Variants in PPP2R3C observed in about 807,000 individuals in gnomAD.
PPP2R3C encodes the protein protein phosphatase 2 regulatory subunit B''gamma, also known as serine/threonine-protein phosphatase 2A regulatory subunit B'' subunit gamma.
Under a neutral mutation model 63.7 loss-of-function variants are expected in PPP2R3C, and 47 were observed. That is an observed-to-expected ratio of 0.74 (90% CI 0.58 to 0.94). The LOEUF is 0.94. PPP2R3C is among the 40% of genes least tolerant of loss of function. The pLI is 0.00. For synonymous variants in PPP2R3C, 180 were observed against 177.4 expected, an observed-to-expected ratio of 1.01 and a Z score of -0.12; for missense variants, 421 against 518.4, an observed-to-expected ratio of 0.81 and a Z score of 1.82.
In PPP2R3C at chr14:35,096,612, T is replaced by A; in HGVS notation, c.784A>T (p.Lys262Ter). 6.2e-7 allele frequency: 1 copy of A among 1,613,880 alleles called. No individual in the cohort carries two copies. The highest frequency in any genetic ancestry group is 8.5e-7 in the Non-Finnish European group (1 of 1,179,882). ...AACCAATTTGTTTCTTGACTCTCCT[T>A]GGACAGTTCCTCATCCCTTAGCTAA... is the stretch of plus-strand genomic sequence containing the variant. ...LLELRDEELS[K>*]ESQETNWFSA... The change falls in exon 9 of 13, where the codon AAG becomes TAG. Residue 262 changes from lysine (K) to a stop codon, truncating the protein, a stop_gained. Coordinates refer to ENST00000261475, the MANE Select transcript of PPP2R3C (RefSeq NM_017917.4). LOFTEE classifies it high-confidence loss of function.
At chr14:35,119,938 G>A (rs529062121) in intron 1 of PPP2R3C, among the ~76,000 whole-genome samples, 4 of 138,442 alleles carry the variant, frequency 2.9e-5, no homozygotes, top group African/African-American at 8.2e-5. Context: ...TACAACCTCC[G>A]CCTCCCGGGT....
intron 1 of PPP2R3C, among the ~76,000 whole-genome samples, chr14:35,120,726 T>G (rs963045112): frequency 3.9e-5 from 6 of 151,984 alleles, no homozygotes. Context: ...GTAGGAAGAC[T>G]GCCTGAGGCC....
At chr14:35,116,994 C>T in intron 1 of PPP2R3C, 1 of 434,512 alleles carries the variant, frequency 2.3e-6, no homozygotes, top group Non-Finnish European at 4.5e-6. Flanking sequence ...AAGCTAGTCT[C>T]TTCCTCAAAT....
At chr14:35,089,386 G>C (rs955014702) in intron 11 of PPP2R3C, among the ~76,000 whole-genome samples, 1 of 152,040 alleles carries the variant, frequency 6.6e-6, no homozygotes, top group Non-Finnish European at 1.5e-5. Context: ...TTAGAAGCAT[G>C]AGCGACCACG....
rs995053768 is a variant in PPP2R3C at position 35,094,968 on chromosome 14, T to C, written c.975+80A>G. On this transcript the variant is annotated intron_variant, in intron 10 of 12. Transcript: ENST00000261475. ...GACTCTGTCTCAAAAAAAAAAGGGC[T>C]GTATTACATCAAGAAAAGGGTTTGT... 4.2e-6 allele frequency: 6 copies of C among 1,428,996 alleles called. No homozygotes were observed. In the Admixed American group the frequency reaches 6.1e-5, roughly 14 times the overall value. The allele number at this position is 1,428,996 out of a possible 1,614,324, so 88.5% of individuals were successfully genotyped here.
chr14:35,122,268 G>A (rs2046934855), upstream of PPP2R3C: 3 of 385,606 alleles, frequency 7.8e-6, no homozygotes, highest in South Asian at 9.1e-5. Flanking sequence ...TTCCTTTATC[G>A]TGTGCCTTTG....
At chr14:35,100,632 T>C (rs2046156133) in intron 6 of PPP2R3C, 1 of 152,248 alleles carries the variant, frequency 6.6e-6, no homozygotes, top group Non-Finnish European at 1.5e-5. Context: ...TGGATCTCAA[T>C]GTATTCCTTC....
intron 1 of PPP2R3C, among the ~76,000 whole-genome samples, chr14:35,119,429 T>C (rs1395594617): frequency 6.6e-6 from 1 of 152,080 alleles, no homozygotes; most frequent in Non-Finnish European, 1.5e-5. Context: ...CCCAAACTCC[T>C]AGACTGAAAC....
chr14:35,108,119 G>A lies in PPP2R3C; in HGVS notation c.502+20C>T. 1 of 1,603,860 alleles carries A rather than the reference G, an allele frequency of 6.2e-7. No homozygotes were observed. The highest frequency in any genetic ancestry group is 1.1e-5 in the South Asian group (1 of 87,776). On this transcript the variant is annotated intron_variant, in intron 5 of 12. Transcript: ENST00000261475. ...CTTGATTCCCAGATAAGGAGTTCAAGCACAGTAAAAATGAATCACCTTTTC... is the reference window on the plus strand; with the variant it reads ...CTTGATTCCCAGATAAGGAGTTCAAACACAGTAAAAATGAATCACCTTTTC...
intron 2 of PPP2R3C, among the ~76,000 whole-genome samples, chr14:35,114,870 A>G (rs2046663306): frequency 6.6e-6 from 1 of 152,046 alleles, no homozygotes; most frequent in African/African-American, 2.4e-5. Flanking sequence ...GCGCACACCT[A>G]TAATCCCAGC....
At position 35,085,525 on chromosome 14, in the gene PPP2R3C, C is replaced by A; in HGVS notation, c.*65G>T. 7.2e-7 allele frequency: 1 copy of A among 1,391,340 alleles called. No homozygotes were observed. Among genetic ancestry groups the A allele is most frequent in the South Asian group, 1.5e-5 (1 of 66,068 alleles). The allele number at this position is 1,391,340 out of a possible 1,614,324, so 86.2% of individuals were successfully genotyped here. Reference sequence around the variant, plus strand: ...ATTTAGACCATTTCTGAGGATTTTGCTTTAAAGGCTTTACATGCAGCATTC... The same window carrying A: ...ATTTAGACCATTTCTGAGGATTTTGATTTAAAGGCTTTACATGCAGCATTC... On this transcript the variant is annotated 3_prime_UTR_variant, in exon 13 of 13. Coordinates refer to ENST00000261475, the MANE Select transcript of PPP2R3C (RefSeq NM_017917.4).
In PPP2R3C at chr14:35,087,938, A is replaced by G. The variant is rs536100684; in HGVS notation, c.1173+13T>C. The G allele has an allele frequency of 1.3e-6, 2 of 1,575,556 alleles. No individual in the cohort carries two copies. Among genetic ancestry groups the G allele is most frequent in the Non-Finnish European group, 1.7e-6 (2 of 1,145,456 alleles). ...AATTATCTGGTAATACGTAAATTAAAGGAAAAGATAACCTTGACATCTTGA... is the reference window on the plus strand; with the variant it reads ...AATTATCTGGTAATACGTAAATTAAGGGAAAAGATAACCTTGACATCTTGA... On this transcript the variant is annotated intron_variant, in intron 12 of 12. Coordinates refer to ENST00000261475, the MANE Select transcript of PPP2R3C (RefSeq NM_017917.4).
chr14:35,110,190 A>G (rs1008900757), intron 3 of PPP2R3C: 7 of 446,178 alleles, frequency 1.6e-5, no homozygotes, highest in Non-Finnish European at 2.8e-5. Flanking sequence ...AGAGATGATA[A>G]TCGAAGCACA....
intron 11 of PPP2R3C, among the ~76,000 whole-genome samples, chr14:35,090,771 A>C (rs1306985932): frequency 7.4e-6 from 1 of 136,030 alleles, no homozygotes. Flanking sequence ...GCTGGAGTGC[A>C]GTGGCACGAT....
At chr14:35,103,057 G>A (rs2046249085) in intron 6 of PPP2R3C, among the ~76,000 whole-genome samples, 1 of 152,128 alleles carries the variant, frequency 6.6e-6, no homozygotes, top group African/African-American at 2.4e-5. Context: ...CACCGTGCCT[G>A]GCCGTACTTT....
chr14:35,091,321 C>A, intron 10 of PPP2R3C, 114 bp from the exon 11 acceptor site: 1 of 1,030,786 alleles, frequency 9.7e-7, no homozygotes, highest in Non-Finnish European at 1.4e-6. Flanking sequence ...TAATTTTTTC[C>A]CTAAGTTATG....
intron 6 of PPP2R3C, among the ~76,000 whole-genome samples, chr14:35,104,224 G>T (rs186195519): frequency 4.8e-5 from 3 of 62,872 alleles, no homozygotes; most frequent in Admixed American, 4.6e-4. Flanking sequence ...TGTCTTCCTT[G>T]CCAGAAGCAA....
chr14:35,087,908 C>T (rs2045662235), intron 12 of PPP2R3C, 43 bp downstream of exon 12: 1 of 1,416,990 alleles, frequency 7.1e-7, no homozygotes. Flanking sequence ...AAATGACTAT[C>T]TCATAATTAT....
chr14:35,097,887 C>T (rs1259388441), intron 7 of PPP2R3C, among the ~76,000 whole-genome samples: 2 of 152,146 alleles, frequency 1.3e-5, no homozygotes, highest in Non-Finnish European at 2.9e-5. Flanking sequence ...GCTGGGATTA[C>T]AGGTGTGAGC....
Sources: gnomAD v4.1 joint callset for allele counts (sites outside exome capture counted in the v4.1 genomes callset) on GRCh38, gnomAD v4.1.1 for gene constraint, MANE v1.5 for transcripts, NCBI Gene and HGNC (gene_info 2026-07-23, HGNC 2026-07-21) for gene names.